The following ADAMTSL3 variants were observed in gnomAD, a reference collection of about 807,000 sequenced individuals.
The protein encoded by ADAMTSL3 is ADAMTS-like protein 3.
In ADAMTSL3, 128 loss-of-function variants were observed where a neutral mutation model predicts 201.7. The observed-to-expected ratio is 0.63, with a 90% CI of 0.55 to 0.73. The LOEUF (loss-of-function observed/expected upper bound fraction) is 0.73. Among genes scored for constraint, ADAMTSL3 ranks in the 30% least tolerant of loss-of-function variants. The pLI, the probability that ADAMTSL3 is intolerant of heterozygous loss-of-function variation, is 0.00. For synonymous variants in ADAMTSL3, 738 were observed against 748.4 expected (o/e 0.99, Z 0.23); for missense variants, 1,990 against 2,119.6 (o/e 0.94, Z 1.20).
intron 28 of ADAMTSL3, among the ~76,000 whole-genome samples, chr15:84,035,893 G>GT (rs938395905): frequency 2.0e-5 from 3 of 152,150 alleles, no homozygotes; most frequent in East Asian, 1.9e-4. Context: ...ATGAAAACTG[G>GT]TTTTTTTCTA....
chr15:83,811,536 C>T (rs1035214244), intron 5 of ADAMTSL3, among the ~76,000 whole-genome samples: 4 of 152,172 alleles, frequency 2.6e-5, no homozygotes, highest in Non-Finnish European at 4.4e-5. Context: ...TAAAATTATG[C>T]ACATGAGGTG....
At chr15:83,817,080 A>G (rs1273969626) in intron 5 of ADAMTSL3, among the ~76,000 whole-genome samples, 1 of 152,216 alleles carries the variant, frequency 6.6e-6, no homozygotes, top group African/African-American at 2.4e-5. Context: ...AAGACAACAA[A>G]AATGTGGATG....
intron 20 of ADAMTSL3, among the ~76,000 whole-genome samples, chr15:83,971,701 A>C (rs946563071): frequency 6.6e-6 from 1 of 151,400 alleles, no homozygotes; most frequent in African/African-American, 2.4e-5. Flanking sequence ...GGAGGTAGGG[A>C]ACAGGCATAG....
Position 83,981,153 on chromosome 15 carries a change from C to G in ADAMTSL3, c.2645-1120C>G, listed in dbSNP as rs929112927. Among the ~76,000 whole-genome samples the G allele has an allele frequency of 4.6e-5, 7 of 152,318 alleles. No individual in the cohort carries two copies. The East Asian group carries it at 9.6e-4, about 21-fold the overall frequency. On this transcript the variant is annotated intron_variant, in intron 20 of 29. Transcript: ENST00000286744. ...ACCTAAATACATCATCAAAGAGGAT[C>G]CAGACTTCCACCCATATCACTGTCC...
At chr15:83,739,197 A>G (rs1169939421) in intron 3 of ADAMTSL3, among the ~76,000 whole-genome samples, 1 of 152,000 alleles carries the variant, frequency 6.6e-6, no homozygotes, top group African/African-American at 2.4e-5. Context: ...ATCATGCAGA[A>G]GGATGGAAAA....
intron 19 of ADAMTSL3, among the ~76,000 whole-genome samples, chr15:83,954,798 C>G (rs2066825585): frequency 6.6e-6 from 1 of 152,194 alleles, no homozygotes; most frequent in South Asian, 2.1e-4. Flanking sequence ...GACTCTTGTT[C>G]TCTTCCTTTA....
intron 19 of ADAMTSL3, among the ~76,000 whole-genome samples, chr15:83,963,434 A>G (rs146875888): frequency 0.038 from 5,720 of 152,256 alleles, 379 homozygotes; most frequent in African/African-American, 0.13. Flanking sequence ...TGGCAAAGCC[A>G]CTGTAGCCAG....
intron 6 of ADAMTSL3, among the ~76,000 whole-genome samples, chr15:83,823,908 TTC>T (rs1567169434): frequency 2.1e-5 from 1 of 48,634 alleles, no homozygotes; most frequent in Non-Finnish European, 5.2e-5. Flanking sequence ...CTTCTTCTTC[TTC>T]TTCTTCTTCT....
At chr15:84,002,936 C>CTTTTTTTTTTTTTTTTTT (rs368176543) in intron 23 of ADAMTSL3, among the ~76,000 whole-genome samples, 11 of 99,978 alleles carry the variant, frequency 1.1e-4, no homozygotes, top group East Asian at 3.0e-4. Flanking sequence ...CTTTTCTTTT[C>CTTTTTTTTTTTTTTTTTT]TTTTTTTTTT....
At chr15:83,881,559 A>G (rs2065271545) in intron 9 of ADAMTSL3, among the ~76,000 whole-genome samples, 5 of 152,292 alleles carry the variant, frequency 3.3e-5, no homozygotes, top group South Asian at 4.1e-4. Flanking sequence ...AAAATACACT[A>G]AAAATATTTT....
At chr15:84,034,520 C>T (rs2068468604) in intron 28 of ADAMTSL3, among the ~76,000 whole-genome samples, 1 of 152,132 alleles carries the variant, frequency 6.6e-6, no homozygotes, top group African/African-American at 2.4e-5. Flanking sequence ...GGCAAGGTGA[C>T]AACATGGGGA....
intron 19 of ADAMTSL3, among the ~76,000 whole-genome samples, chr15:83,951,891 G>A (rs1316252278): frequency 1.3e-5 from 2 of 151,994 alleles, no homozygotes; most frequent in East Asian, 3.8e-4. Context: ...TTATTGGGGT[G>A]TTCTCTCTTG....
intron 3 of ADAMTSL3, among the ~76,000 whole-genome samples, chr15:83,719,864 G>A (rs1178529360): frequency 2.0e-5 from 3 of 152,246 alleles, no homozygotes; most frequent in Admixed American, 2.0e-4. Context: ...GGAGTTAACA[G>A]CCTCACCAGG....
At chr15:83,923,110 T>C (rs1300008415) in intron 16 of ADAMTSL3, among the ~76,000 whole-genome samples, 1 of 152,160 alleles carries the variant, frequency 6.6e-6, no homozygotes, top group Non-Finnish European at 1.5e-5. Flanking sequence ...GGAGCAGTCT[T>C]GTACTTTTTG....
chr15:84,028,519 A>G (rs1003679998), intron 27 of ADAMTSL3, among the ~76,000 whole-genome samples: 1 of 152,166 alleles, frequency 6.6e-6, no homozygotes, highest in African/African-American at 2.4e-5. Context: ...AAATTTTAAA[A>G]TTTTTTTCCT....
At chr15:83,718,145 G>A (rs1374593429) in intron 3 of ADAMTSL3, among the ~76,000 whole-genome samples, 1 of 152,068 alleles carries the variant, frequency 6.6e-6, no homozygotes, top group Non-Finnish European at 1.5e-5. Context: ...TCCCTTCACT[G>A]AAAAGGCATA....
intron 3 of ADAMTSL3, among the ~76,000 whole-genome samples, chr15:83,714,785 T>TTCTTTCTTTCTTTCTTTC (rs1411016187): frequency 6.9e-5 from 7 of 101,444 alleles, no homozygotes; most frequent in Admixed American, 2.3e-4. Flanking sequence ...CTTTCTTTCT[T>TTCTTTCTTTCTTTCTTTC]TTTCTTTCTC....
At chr15:83,801,196 T>G (rs1319524399) in intron 4 of ADAMTSL3, among the ~76,000 whole-genome samples, 2 of 152,164 alleles carry the variant, frequency 1.3e-5, no homozygotes, top group East Asian at 1.9e-4. Flanking sequence ...GCCAACCCAT[T>G]GTGATAATCT....
chr15:83,860,139 A>G (rs1596323874), intron 8 of ADAMTSL3, among the ~76,000 whole-genome samples: 1 of 152,316 alleles, frequency 6.6e-6, no homozygotes, highest in East Asian at 1.9e-4. Flanking sequence ...CTAGGAGTTC[A>G]AGGTTGCAGT....
Sources: allele counts gnomAD v4.1 joint callset (sites outside exome capture counted in the v4.1 genomes callset), GRCh38; gene constraint gnomAD v4.1.1; transcripts MANE v1.5; gene names NCBI Gene and HGNC (gene_info 2026-07-23, HGNC 2026-07-21).